Variants in NKAIN3 observed in about 807,000 individuals in gnomAD.
NKAIN3 encodes sodium/potassium transporting ATPase interacting 3.
A neutral mutation model predicts 30.2 loss-of-function variants in NKAIN3; 25 were observed. The ratio of observed to expected loss-of-function variants is 0.83; its 90% CI spans 0.60 to 1.16. NKAIN3 has a LOEUF of 1.16. NKAIN3 is among the 50% of genes most tolerant of loss of function. NKAIN3 has a pLI of 0.00. For missense variants in NKAIN3, 225 were observed against 254.1 expected (o/e 0.89, Z 0.78); for synonymous variants, 91 against 89.6 (o/e 1.02, Z -0.09).
chr8:62,854,436 T>G (rs539627473), intron 4 of NKAIN3, among the ~76,000 whole-genome samples: 2 of 152,358 alleles, frequency 1.3e-5, no homozygotes, highest in East Asian at 3.9e-4. Context: ...AATTGAAACC[T>G]TTGCCATTAT....
intron 1 of NKAIN3, among the ~76,000 whole-genome samples, chr8:62,283,093 C>A (rs1262304095): frequency 6.6e-6 from 1 of 152,140 alleles, no homozygotes; most frequent in Non-Finnish European, 1.5e-5. Flanking sequence ...AGAATGGGCC[C>A]TTTCAGTTTA....
chr8:62,883,457 G>GTTGTTTTT, intron 4 of NKAIN3, among the ~76,000 whole-genome samples: 1,389 of 70,216 alleles, frequency 0.02, 162 homozygotes, highest in African/African-American at 0.049. Flanking sequence ...AGTTTTATGG[G>GTTGTTTTT]TTTTTTTTTT....
At chr8:62,921,347 A>G (rs1447828562) in intron 5 of NKAIN3, among the ~76,000 whole-genome samples, 2 of 152,196 alleles carry the variant, frequency 1.3e-5, no homozygotes, top group African/African-American at 2.4e-5. Context: ...TTCAAAATGC[A>G]AAGTTAAGCC....
chr8:62,641,070 C>T (rs1289542286), intron 3 of NKAIN3, among the ~76,000 whole-genome samples: 2 of 151,818 alleles, frequency 1.3e-5, no homozygotes, highest in Admixed American at 6.6e-5. Context: ...AGCACAAGTA[C>T]TATCTTAGAG....
At chr8:62,527,478 C>A (rs1295569892) in intron 1 of NKAIN3, among the ~76,000 whole-genome samples, 1 of 152,120 alleles carries the variant, frequency 6.6e-6, no homozygotes, top group Non-Finnish European at 1.5e-5. Flanking sequence ...ATAGGGCATG[C>A]ATTTGAAACA....
chr8:62,797,717 A>C (rs538428472), intron 4 of NKAIN3, among the ~76,000 whole-genome samples: 1 of 152,314 alleles, frequency 6.6e-6, no homozygotes, highest in Admixed American at 6.5e-5. Context: ...ATGCCCCAGA[A>C]ACTCATGCTG....
chr8:62,366,343 C>T (rs1204281033), intron 1 of NKAIN3, among the ~76,000 whole-genome samples: 1 of 151,908 alleles, frequency 6.6e-6, no homozygotes, highest in African/African-American at 2.4e-5. Flanking sequence ...TCTCATGCCT[C>T]AGCATCCCGA....
chr8:62,479,561 G>C (rs182643291), intron 1 of NKAIN3, among the ~76,000 whole-genome samples: 1 of 152,294 alleles, frequency 6.6e-6, no homozygotes, highest in East Asian at 1.9e-4. Flanking sequence ...TTCATCCCAG[G>C]TTGTCCTCAG....
At chr8:62,762,374 T>A (rs556749912) in intron 4 of NKAIN3, among the ~76,000 whole-genome samples, 14 of 151,754 alleles carry the variant, frequency 9.2e-5, no homozygotes. Flanking sequence ...ATGAACTCAT[T>A]TGAATACTGG....
chr8:62,633,759 G>A (rs1812038641), intron 3 of NKAIN3, among the ~76,000 whole-genome samples: 1 of 152,112 alleles, frequency 6.6e-6, no homozygotes. Flanking sequence ...TCTCACACTG[G>A]CAGAACCCCA....
chr8:62,453,955 G>C (rs1229036328), intron 1 of NKAIN3, among the ~76,000 whole-genome samples: 1 of 152,070 alleles, frequency 6.6e-6, no homozygotes, highest in Non-Finnish European at 1.5e-5. Context: ...CTTGTATAAG[G>C]AAGAACTGGT....
intron 5 of NKAIN3, among the ~76,000 whole-genome samples, chr8:62,998,665 C>T (rs775238337): frequency 3.3e-5 from 5 of 152,174 alleles, no homozygotes; most frequent in African/African-American, 4.8e-5. Context: ...TGCATGAATT[C>T]GTGATTTGGG....
chr8:62,786,500 G>A (rs1817523592), intron 4 of NKAIN3, among the ~76,000 whole-genome samples: 2 of 152,058 alleles, frequency 1.3e-5, no homozygotes, highest in Admixed American at 1.3e-4. Flanking sequence ...TCATATAAAG[G>A]ATTCATGTTG....
chr8:62,942,052 A>C (rs1259456314), intron 5 of NKAIN3, among the ~76,000 whole-genome samples: 1 of 151,920 alleles, frequency 6.6e-6, no homozygotes, highest in Non-Finnish European at 1.5e-5. Context: ...ACTGATAAAT[A>C]AATTCAGTAA....
intron 4 of NKAIN3, among the ~76,000 whole-genome samples, chr8:62,824,567 A>G (rs1818960537): frequency 1.3e-5 from 2 of 151,980 alleles, no homozygotes; most frequent in Non-Finnish European, 2.9e-5. Context: ...GATAGACACA[A>G]CATGCTTTGG....
intron 1 of NKAIN3, chr8:62,344,789 A>G: frequency 2.5e-6 from 1 of 395,834 alleles, no homozygotes; most frequent in South Asian, 2.0e-5. Flanking sequence ...AGAAATTTAG[A>G]GTCTTTTGTA....
chr8:62,415,861 C>T (rs1291068271), intron 1 of NKAIN3, among the ~76,000 whole-genome samples: 1 of 151,902 alleles, frequency 6.6e-6, no homozygotes, highest in Non-Finnish European at 1.5e-5. Flanking sequence ...GGGTTCACGC[C>T]ATTCTCCTGC....
intron 1 of NKAIN3, among the ~76,000 whole-genome samples, chr8:62,277,367 A>G (rs1257304256): frequency 6.6e-6 from 1 of 152,082 alleles, no homozygotes; most frequent in Non-Finnish European, 1.5e-5. Flanking sequence ...CCTAGGTAGA[A>G]TTGTGGGGAT....
chr8:62,988,571 C>T (rs1328283149), downstream of NKAIN3, among the ~76,000 whole-genome samples: 3 of 152,250 alleles, frequency 2.0e-5, no homozygotes, highest in Non-Finnish European at 4.4e-5. Flanking sequence ...CTGAGCTGTA[C>T]CTTGTCCCCT....
Sources: gnomAD v4.1 joint callset for allele counts (sites outside exome capture counted in the v4.1 genomes callset) on GRCh38, gnomAD v4.1.1 for gene constraint, MANE v1.5 for transcripts, NCBI Gene and HGNC (gene_info 2026-07-23, HGNC 2026-07-21) for gene names.